TTL: variants seen among roughly 807,000 people sequenced by gnomAD.
TTL encodes tubulin tyrosine ligase, also known as tubulin--tyrosine ligase.
Under a neutral mutation model 41.1 loss-of-function variants are expected in TTL, and 10 were observed. That is an observed-to-expected ratio of 0.24 (90% CI 0.15 to 0.41). The LOEUF is 0.41. TTL is among the 10% of genes least tolerant of loss of function. The pLI, the probability that TTL is intolerant of heterozygous loss-of-function variation, is 1.00. For missense variants in TTL, 367 were observed against 460.4 expected (o/e 0.80, Z 1.86); for synonymous variants, 175 against 175.5 (o/e 1.00, Z 0.02).
intron 2 of TTL, among the ~76,000 whole-genome samples, chr2:112,488,501 T>C (rs1243328361): frequency 6.6e-6 from 1 of 152,148 alleles, no homozygotes; most frequent in Non-Finnish European, 1.5e-5. Context: ...CTCACGCCTG[T>C]AATCTCAGCA....
At chr2:112,518,697 C>G (rs927770219) in intron 5 of TTL, among the ~76,000 whole-genome samples, 1 of 141,940 alleles carries the variant, frequency 7.0e-6, no homozygotes, top group African/African-American at 2.6e-5. Flanking sequence ...TTTTTTGAGA[C>G]AGAATTTTGC....
At chr2:112,509,445 T>A (rs1364702645) in intron 5 of TTL, among the ~76,000 whole-genome samples, 1 of 152,246 alleles carries the variant, frequency 6.6e-6, no homozygotes, top group African/African-American at 2.4e-5. Context: ...GATCTCAGAC[T>A]GCTGTGCTAG....
intron 3 of TTL, among the ~76,000 whole-genome samples, chr2:112,495,228 T>A (rs1188528112): frequency 6.6e-6 from 1 of 152,178 alleles, no homozygotes; most frequent in Non-Finnish European, 1.5e-5. Flanking sequence ...CAGGGAAGGC[T>A]TTTCTAATCT....
intron 5 of TTL, among the ~76,000 whole-genome samples, chr2:112,514,392 A>AAC (rs1287860561): frequency 6.6e-6 from 1 of 152,068 alleles, no homozygotes; most frequent in African/African-American, 2.4e-5. Flanking sequence ...AAAAAAAAAA[A>AAC]AACTAATTTT....
intron 5 of TTL, among the ~76,000 whole-genome samples, chr2:112,512,179 C>T (rs1460871174): frequency 2.0e-5 from 3 of 152,002 alleles, no homozygotes; most frequent in Non-Finnish European, 4.4e-5. Flanking sequence ...GCAACCTCTG[C>T]CTCCCGGGTT....
Position 112,527,495 on chromosome 2 carries a change from G to T in TTL, c.1020-1186G>T, listed in dbSNP as rs138647895. Among the ~76,000 whole-genome samples the T allele has an allele frequency of 6.6e-3, 998 of 152,164 alleles. 6 individuals carry two copies. The highest frequency in any genetic ancestry group is 0.023 in the African/African-American group (938 of 41,522). ...GGACTTGCTTTATGAATCTGGGTGC[G>T]CCTGTATTGGGTGCATATATATTTA... On this transcript the variant is annotated intron_variant, in intron 6 of 6. Coordinates refer to ENST00000233336, the MANE Select transcript of TTL (RefSeq NM_153712.5).
Position 112,536,035 on chromosome 2 carries a change from T to C in TTL, c.*7240T>C, listed in dbSNP as rs1267134773. 1 of 152,188 alleles carries C rather than the reference T, an allele frequency of 6.6e-6. No homozygotes were observed. The highest frequency in any genetic ancestry group is 1.5e-5 in the Non-Finnish European group (1 of 68,044). The allele number at this position is 152,188 out of a possible 1,614,324, so 9.4% of individuals were successfully genotyped here. The stretch of plus-strand genomic sequence containing the variant: ...TCAAAACTTACCTGGCTAATTTCAC[T>C]TCACATAACGATCTTCAGTTCCATC... On this transcript the variant is annotated 3_prime_UTR_variant, in exon 7 of 7. Transcript: ENST00000233336.
rs747597589 is a variant in TTL, at chr2:112,520,322, C to T, written c.916C>T (p.His306Tyr). ...LSVEPAISTK[H>Y]LPYQSFQLFG... ...CGTGGAGCCTGCCATTAGCACCAAG[C>T]ACCTCCCTTACCAGAGCTTCCAGCT... Residue 306 changes from histidine (H) to tyrosine (Y), a missense_variant, in exon 6 of 7, where the codon CAC (histidine) becomes TAC (tyrosine). Transcript: ENST00000233336. 2 of 1,614,174 alleles carry T rather than the reference C, an allele frequency of 1.2e-6. No individual in the cohort carries two copies. Among genetic ancestry groups the T allele is most frequent in the Admixed American group, 1.7e-5 (1 of 60,024 alleles).
chr2:112,515,397 T>C (rs1682039677), intron 5 of TTL, among the ~76,000 whole-genome samples: 1 of 152,220 alleles, frequency 6.6e-6, no homozygotes, highest in Non-Finnish European at 1.5e-5. Flanking sequence ...CTCCTGACTT[T>C]TAGGTCTGTT....
chr2:112,499,749 G>A (rs1681641187), intron 3 of TTL, among the ~76,000 whole-genome samples: 1 of 152,132 alleles, frequency 6.6e-6, no homozygotes, highest in African/African-American at 2.4e-5. Flanking sequence ...TCTAGAATAT[G>A]TAAACAACTT....
At chr2:112,502,800 C>A in intron 4 of TTL, 112 bp from the exon 5 acceptor site, 1 of 1,172,562 alleles carries the variant, frequency 8.5e-7, no homozygotes, top group Non-Finnish European at 1.2e-6. Context: ...TCCCTAGTTG[C>A]CTCCCACTCC....
Position 112,537,222 on chromosome 2 carries a change from A to C in TTL, c.*8427A>C. 1 of 152,986 alleles carries C rather than the reference A, an allele frequency of 6.5e-6. No individual in the cohort carries two copies. Among genetic ancestry groups the C allele is most frequent in the East Asian group, 1.9e-4 (1 of 5,218 alleles). The allele number at this position is 152,986 out of a possible 1,614,324, so 9.5% of individuals were successfully genotyped here. On this transcript the variant is annotated 3_prime_UTR_variant, in exon 7 of 7. Coordinates refer to ENST00000233336, the MANE Select transcript of TTL (RefSeq NM_153712.5). ...CAGCCTCCCAAGTAGCTGGGACTAC[A>C]GGCGTGTGCCGCCATGCCCAGCTAA...
rs545305672 is a variant in TTL, at chr2:112,532,749, T to C, written c.*3954T>C. The C allele has an allele frequency of 2.7e-5, 1 of 36,400 alleles. No homozygotes were observed. Among genetic ancestry groups the C allele is most frequent in the African/African-American group, 1.4e-4 (1 of 6,986 alleles). The allele number at this position is 36,400 out of a possible 1,614,324, so 2.3% of individuals were successfully genotyped here. A position where few individuals can be genotyped will look rare whatever the true frequency, so the allele number is the denominator to read the frequency against. Reference sequence around the variant, plus strand: ...ATGTAGGGCCTTTTTTGCATACTTTTTGTTTTTTTCTCCAACTCTTAGCTC... The same window carrying C: ...ATGTAGGGCCTTTTTTGCATACTTTCTGTTTTTTTCTCCAACTCTTAGCTC... On this transcript the variant is annotated 3_prime_UTR_variant, in exon 7 of 7. Transcript: ENST00000233336.
intron 2 of TTL, 147 bp from the exon 3 acceptor site, chr2:112,493,996 C>T: frequency 1.6e-6 from 1 of 643,584 alleles, no homozygotes. Context: ...GAGCTTTGTC[C>T]AGGGAGACTA....
intron 3 of TTL, among the ~76,000 whole-genome samples, chr2:112,497,116 G>A (rs1485982305): frequency 3.3e-5 from 5 of 150,940 alleles, no homozygotes; most frequent in East Asian, 2.0e-4. Context: ...CACCGTGCCC[G>A]GGCCCGCTCC....
chr2:112,517,272 G>A (rs1416354010), intron 5 of TTL, among the ~76,000 whole-genome samples: 1 of 151,734 alleles, frequency 6.6e-6, no homozygotes, highest in Non-Finnish European at 1.5e-5. Context: ...TTTTGAGACA[G>A]AGTCTTGGTC....
chr2:112,520,789 G>T, intron 6 of TTL: 1 of 194,110 alleles, frequency 5.2e-6, no homozygotes, highest in Non-Finnish European at 1.1e-5. Flanking sequence ...ATGGTGCTGT[G>T]TGCCTATAGT....
intron 2 of TTL, among the ~76,000 whole-genome samples, chr2:112,488,932 T>C (rs1681311456): frequency 6.7e-6 from 1 of 149,852 alleles, no homozygotes; most frequent in African/African-American, 2.5e-5. Context: ...ATTAAAAATA[T>C]AAAAATTAGC....
chr2:112,514,921 C>T (rs1014554387), intron 5 of TTL, among the ~76,000 whole-genome samples: 11 of 152,162 alleles, frequency 7.2e-5, no homozygotes, highest in Admixed American at 3.3e-4. Flanking sequence ...TCATTCTTTT[C>T]GTCTGACATC....
Sources: allele counts gnomAD v4.1 joint callset (sites outside exome capture counted in the v4.1 genomes callset), GRCh38; gene constraint gnomAD v4.1.1; transcripts MANE v1.5; gene names NCBI Gene and HGNC (gene_info 2026-07-23, HGNC 2026-07-21).